Variants in PTPN13 observed in about 807,000 individuals in gnomAD.
PTPN13 encodes the protein tyrosine-protein phosphatase non-receptor type 13.
A neutral mutation model predicts 284.0 loss-of-function variants in PTPN13; 191 were observed. The ratio of observed to expected loss-of-function variants is 0.67; its 90% CI spans 0.60 to 0.76. PTPN13 has a LOEUF of 0.76. Ranked by LOEUF, PTPN13 falls within the 30% of genes least tolerant of loss-of-function variation. PTPN13 has a pLI of 0.00. For synonymous variants in PTPN13, 986 were observed against 1,022.3 expected (o/e 0.96, Z 0.68); for missense variants, 2,797 against 2,939.9 (o/e 0.95, Z 1.12).
intron 41 of PTPN13, 60 bp downstream of exon 41, chr4:86,796,989 G>A: frequency 9.7e-7 from 1 of 1,028,290 alleles, no homozygotes; most frequent in Non-Finnish European, 1.4e-6. Flanking sequence ...ATGCTCTGAA[G>A]ATTTCCATTT....
At chr4:86,673,580 G>A (rs1727949109) in intron 3 of PTPN13, among the ~76,000 whole-genome samples, 1 of 152,212 alleles carries the variant, frequency 6.6e-6, no homozygotes, top group Admixed American at 6.5e-5. Context: ...TTCTTCTTAG[G>A]CAGTGGGGAT....
chr4:86,767,363 G>A (rs913233655), intron 27 of PTPN13, among the ~76,000 whole-genome samples: 4 of 151,120 alleles, frequency 2.6e-5, no homozygotes, highest in South Asian at 2.1e-4. Flanking sequence ...CTCCTGCCTC[G>A]GCCTGTCAAG....
chr4:86,701,963 C>T (rs1007071870), intron 7 of PTPN13, among the ~76,000 whole-genome samples, 162 bp downstream of exon 7: 3 of 152,112 alleles, frequency 2.0e-5, no homozygotes, highest in African/African-American at 7.2e-5. Context: ...TTCTCCCTTC[C>T]ATCAAAACCC....
intron 1 of PTPN13, among the ~76,000 whole-genome samples, chr4:86,599,384 T>C (rs1764100661): frequency 6.6e-6 from 1 of 152,162 alleles, no homozygotes; most frequent in African/African-American, 2.4e-5. Flanking sequence ...GGATGAGAAT[T>C]TAAGGTACAA....
intron 3 of PTPN13, among the ~76,000 whole-genome samples, chr4:86,674,391 A>G (rs931249883): frequency 1.3e-5 from 2 of 152,180 alleles, no homozygotes; most frequent in Non-Finnish European, 2.9e-5. Context: ...TTCAATATAC[A>G]TTGTCTAATT....
chr4:86,785,962 G>T, intron 40 of PTPN13, 26 bp downstream of exon 40: 2 of 1,287,810 alleles, frequency 1.6e-6, no homozygotes, highest in African/African-American at 1.5e-5. Flanking sequence ...AAACAACCTA[G>T]GATATGACAG....
At chr4:86,668,040 C>T (rs1240490009) in intron 2 of PTPN13, among the ~76,000 whole-genome samples, 1 of 152,126 alleles carries the variant, frequency 6.6e-6, no homozygotes, top group Non-Finnish European at 1.5e-5. Context: ...AAGGTGTTTG[C>T]ATATCAAATT....
intron 1 of PTPN13, among the ~76,000 whole-genome samples, chr4:86,611,223 C>T (rs1273088906): frequency 6.6e-6 from 1 of 152,196 alleles, no homozygotes. Flanking sequence ...GATTTATTTA[C>T]CTGCACAAAC....
At position 86,767,816 on chromosome 4, in the gene PTPN13, G is replaced by A. The variant is rs199767910; in HGVS notation, c.4330-1G>A. ...AATGAAATGCTATTTTACTTATCCA[G>A]GTGGTTCATCTGTTATTAGAAAAGG... On this transcript the variant is annotated splice_acceptor_variant, in intron 27 of 47. Transcript: ENST00000411767. LOFTEE classifies it high-confidence loss of function. 6.4e-6 allele frequency: 10 copies of A among 1,557,470 alleles called. No homozygotes were observed. Among genetic ancestry groups the A allele is most frequent in the African/African-American group, 1.4e-5 (1 of 73,152 alleles).
rs1226512557 is a variant in PTPN13 at position 86,726,163 on chromosome 4, G to T, written c.1608+3729G>T. Among the ~76,000 whole-genome samples the T allele has an allele frequency of 1.3e-5, 2 of 149,420 alleles. 1 individual carries two copies. The highest frequency in any genetic ancestry group is 4.9e-5 in the African/African-American group (2 of 40,968). ...GTGTTATTTCTGAGGCCTCTGTTCT[G>T]TTCCATTGGTCTATATCTCTGTTTT... is the stretch of plus-strand genomic sequence containing the variant. On this transcript the variant is annotated intron_variant, in intron 10 of 47. Transcript: ENST00000411767.
chr4:86,745,417 C>T (rs1291563519), intron 17 of PTPN13, among the ~76,000 whole-genome samples: 2 of 152,164 alleles, frequency 1.3e-5, no homozygotes, highest in African/African-American at 4.8e-5. Flanking sequence ...TCTCTACCCT[C>T]AGTAAGCTTA....
At chr4:86,663,807 A>C (rs1284711449) in intron 2 of PTPN13, among the ~76,000 whole-genome samples, 4 of 152,194 alleles carry the variant, frequency 2.6e-5, no homozygotes, top group Non-Finnish European at 5.9e-5. Context: ...TGGATAAAAT[A>C]GTTACTTGTA....
Position 86,672,538 on chromosome 4 carries a change from G to A in PTPN13, c.289G>A (p.Glu97Lys). The change falls in exon 3 of 48, where the codon GAA (glutamate) becomes AAA (lysine). Residue 97 changes from glutamate to lysine, a missense_variant. By Grantham distance (56) the Glu-to-Lys change is moderately conservative. Transcript: ENST00000411767. ...NQSLTSLSDVEKIHIYSLGMT... is the reference protein window; with the variant it reads ...NQSLTSLSDVKKIHIYSLGMT... Reference sequence around the variant, plus strand: ...GTCACTAACTTCTCTCTCAGATGTTGAAAAGGTAACTGTTAAATTTTTTTG... The same window carrying A: ...GTCACTAACTTCTCTCTCAGATGTTAAAAAGGTAACTGTTAAATTTTTTTG... 6.3e-7 allele frequency: 1 copy of A among 1,599,604 alleles called. No homozygotes were observed. The highest frequency in any genetic ancestry group is 1.1e-5 in the South Asian group (1 of 88,366).
chr4:86,684,885 G>A (rs1729275208), intron 3 of PTPN13, among the ~76,000 whole-genome samples: 1 of 152,170 alleles, frequency 6.6e-6, no homozygotes, highest in Admixed American at 6.6e-5. Context: ...TAGGAAAGAT[G>A]ATTACTTATA....
intron 17 of PTPN13, among the ~76,000 whole-genome samples, chr4:86,748,678 T>C (rs1737046555): frequency 6.6e-6 from 1 of 152,082 alleles, no homozygotes; most frequent in Admixed American, 6.5e-5. Context: ...TTTTTTTTAA[T>C]GTAGTATCGC....
At chr4:86,794,152 C>T (rs1565596553) in intron 40 of PTPN13, among the ~76,000 whole-genome samples, 1 of 152,130 alleles carries the variant, frequency 6.6e-6, no homozygotes, top group African/African-American at 2.4e-5. Flanking sequence ...ATTTAGAAAA[C>T]CCCATCGTCT....
intron 2 of PTPN13, among the ~76,000 whole-genome samples, chr4:86,646,046 T>G (rs1443260617): frequency 6.6e-6 from 1 of 152,094 alleles, no homozygotes; most frequent in Admixed American, 6.6e-5. Flanking sequence ...AAGATGCCCT[T>G]TTCAATGAAT....
At chr4:86,805,514 G>T in intron 44 of PTPN13, 145 bp downstream of exon 44, 1 of 458,486 alleles carries the variant, frequency 2.2e-6, no homozygotes, top group East Asian at 3.4e-5. Context: ...CAAATACATT[G>T]AAATATTCCG....
intron 9 of PTPN13, among the ~76,000 whole-genome samples, chr4:86,719,616 C>T (rs1014228021): frequency 3.3e-5 from 5 of 152,160 alleles, no homozygotes. Flanking sequence ...TCCCTTTTCT[C>T]TGCAACCTCG....
Sources: gnomAD v4.1 joint callset for allele counts (sites outside exome capture counted in the v4.1 genomes callset) on GRCh38, gnomAD v4.1.1 for gene constraint, MANE v1.5 for transcripts, NCBI Gene and HGNC (gene_info 2026-07-23, HGNC 2026-07-21) for gene names.